The following PSD3 variants were observed in gnomAD, a reference collection of about 807,000 sequenced individuals.
PSD3 encodes the protein PH and SEC7 domain-containing protein 3.
PSD3 carries 49 observed loss-of-function variants against 105.5 expected under a neutral mutation model. The ratio of observed to expected loss-of-function variants is 0.46; its 90% CI spans 0.37 to 0.59. The LOEUF is 0.59. Ranked by LOEUF, PSD3 falls within the 20% of genes least tolerant of loss-of-function variation. The pLI is 0.00. For synonymous variants in PSD3, 557 were observed against 457.8 expected (o/e 1.22, Z -2.77); for missense variants, 1,561 against 1,263.8 (o/e 1.24, Z -3.57).
intron 9 of PSD3, among the ~76,000 whole-genome samples, chr8:18,663,795 C>G (rs1170283843): frequency 6.6e-6 from 1 of 152,236 alleles, no homozygotes; most frequent in Admixed American, 6.5e-5. Flanking sequence ...CACTGAGCTT[C>G]ACGTATACGA....
chr8:19,009,780 A>G (rs1445342350), intron 1 of PSD3, among the ~76,000 whole-genome samples: 1 of 151,830 alleles, frequency 6.6e-6, no homozygotes, highest in Non-Finnish European at 1.5e-5. Context: ...GGTCCCAGCC[A>G]CTCGGGAGGC....
intron 8 of PSD3, among the ~76,000 whole-genome samples, chr8:18,793,534 G>T (rs1809946418): frequency 6.6e-6 from 1 of 152,070 alleles, no homozygotes. Context: ...AGGAAAAAAA[G>T]CCAGGTAAGA....
chr8:18,662,036 G>A (rs1160486278), intron 9 of PSD3, among the ~76,000 whole-genome samples: 1 of 151,504 alleles, frequency 6.6e-6, no homozygotes, highest in African/African-American at 2.4e-5. Context: ...TTGAAATCGA[G>A]TCAACATGTA....
intron 12 of PSD3, among the ~76,000 whole-genome samples, chr8:18,596,140 T>C (rs1804078308): frequency 1.4e-5 from 2 of 146,536 alleles, no homozygotes; most frequent in South Asian, 2.3e-4. Flanking sequence ...TTAAGCAACA[T>C]GATCCTGAAC....
intron 1 of PSD3, among the ~76,000 whole-genome samples, chr8:18,980,791 T>C (rs918307558): frequency 1.3e-5 from 2 of 152,164 alleles, no homozygotes; most frequent in African/African-American, 2.4e-5. Flanking sequence ...TTCTGCCTGA[T>C]CTTAAAACAC....
intron 12 of PSD3, among the ~76,000 whole-genome samples, chr8:18,589,852 A>C (rs1009374799): frequency 6.6e-6 from 1 of 152,218 alleles, no homozygotes; most frequent in African/African-American, 2.4e-5. Context: ...AGGTTGATTT[A>C]AGAAATCTGT....
chr8:18,555,148 G>A (rs977981179), intron 15 of PSD3, among the ~76,000 whole-genome samples: 1 of 151,976 alleles, frequency 6.6e-6, no homozygotes, highest in East Asian at 1.9e-4. Context: ...AAAACAACCG[G>A]CCAAAGGATT....
chr8:18,962,124 T>C (rs1435132548), intron 1 of PSD3, among the ~76,000 whole-genome samples: 1 of 151,990 alleles, frequency 6.6e-6, no homozygotes, highest in East Asian at 1.9e-4. Context: ...CGGGCACCTG[T>C]AATCCCAGCT....
intron 4 of PSD3, among the ~76,000 whole-genome samples, chr8:18,814,265 A>G (rs1586101002): frequency 3.3e-5 from 5 of 152,186 alleles, no homozygotes; most frequent in Admixed American, 3.3e-4. Flanking sequence ...CCCGCCGCAT[A>G]CCTTCCAAAT....
At chr8:18,689,132 G>T (rs1800827041) in intron 9 of PSD3, among the ~76,000 whole-genome samples, 1 of 152,148 alleles carries the variant, frequency 6.6e-6, no homozygotes, top group Admixed American at 6.6e-5. Context: ...GAGTACCAGA[G>T]AAATGAACTC....
At chr8:18,749,430 C>T (rs57199617) in intron 9 of PSD3, among the ~76,000 whole-genome samples, 4,821 of 152,294 alleles carry the variant, frequency 0.032, 248 homozygotes, top group East Asian at 0.19. Flanking sequence ...GTATTTTATA[C>T]GTAATTCCGC....
At chr8:18,641,484 G>C (rs1807637488) in intron 10 of PSD3, among the ~76,000 whole-genome samples, 1 of 152,198 alleles carries the variant, frequency 6.6e-6, no homozygotes, top group African/African-American at 2.4e-5. Context: ...ACAGAGCTGT[G>C]TACAAAGCAG....
intron 9 of PSD3, among the ~76,000 whole-genome samples, chr8:18,744,561 C>G (rs1334946273): frequency 2.0e-5 from 3 of 152,120 alleles, no homozygotes; most frequent in African/African-American, 4.8e-5. Context: ...GTACACATAC[C>G]TTTGTACGTT....
chr8:18,887,209 A>T (rs1818501930), intron 2 of PSD3, among the ~76,000 whole-genome samples: 1 of 152,216 alleles, frequency 6.6e-6, no homozygotes, highest in Non-Finnish European at 1.5e-5. Flanking sequence ...GTATTATTTT[A>T]ACGGACAAGG....
chr8:18,839,618 C>A (rs1174353233), intron 4 of PSD3, among the ~76,000 whole-genome samples: 6 of 152,140 alleles, frequency 3.9e-5, no homozygotes, highest in Non-Finnish European at 8.8e-5. Flanking sequence ...GGTTTACTCA[C>A]CCAGAGAAAA....
chr8:19,048,066 C>G (rs1828387999), intron 1 of PSD3, among the ~76,000 whole-genome samples: 2 of 152,288 alleles, frequency 1.3e-5, no homozygotes, highest in Admixed American at 1.3e-4. Context: ...ATGTTCACAT[C>G]CAAAGACTTC....
At chr8:18,782,599 C>T (rs1309436135) in intron 8 of PSD3, among the ~76,000 whole-genome samples, 4 of 152,128 alleles carry the variant, frequency 2.6e-5, no homozygotes, top group Admixed American at 6.5e-5. Context: ...GGTCAACACA[C>T]GTGGATATTG....
chr8:18,923,922 T>C (rs1475152484), intron 2 of PSD3, among the ~76,000 whole-genome samples: 1 of 152,064 alleles, frequency 6.6e-6, no homozygotes, highest in African/African-American at 2.4e-5. Context: ...GTTTTATATA[T>C]ATATACATAT....
intron 4 of PSD3, among the ~76,000 whole-genome samples, chr8:18,832,789 G>A (rs1280006068): frequency 6.6e-6 from 1 of 152,194 alleles, no homozygotes; most frequent in Non-Finnish European, 1.5e-5. Context: ...AAAAGAGCAG[G>A]TGCAGGGGAA....
Sources: allele counts gnomAD v4.1 joint callset (sites outside exome capture counted in the v4.1 genomes callset), GRCh38; gene constraint gnomAD v4.1.1; transcripts MANE v1.5; gene names NCBI Gene and HGNC (gene_info 2026-07-23, HGNC 2026-07-21).